Variants in FBXO15 observed in about 807,000 individuals in gnomAD.
FBXO15 encodes F-box only protein 15.
A neutral mutation model predicts 49.5 loss-of-function variants in FBXO15; 30 were observed. The observed-to-expected ratio is 0.61, with a 90% CI of 0.45 to 0.82. The LOEUF (loss-of-function observed/expected upper bound fraction) is 0.82, where lower values mean the gene tolerates loss of function less well. Ranked by LOEUF, FBXO15 falls within the 40% of genes least tolerant of loss-of-function variation. The pLI, the probability that FBXO15 is intolerant of heterozygous loss-of-function variation, is 0.00. For missense variants in FBXO15, 591 were observed against 631.5 expected, an observed-to-expected ratio of 0.94 and a Z score of 0.69; for synonymous variants, 250 against 232.7, an observed-to-expected ratio of 1.07 and a Z score of -0.68.
Position 74,078,775 on chromosome 18 carries a change from C to T in FBXO15, c.1263+3152G>A, listed in dbSNP as rs1442748706. 2.0e-5 allele frequency: 3 copies of T among 152,444 alleles called. No homozygotes were observed. The East Asian group carries it at 5.8e-4, about 29-fold the overall frequency. 9.4% of individuals were successfully genotyped at this position (152,444 alleles called of 1,614,324 possible). A position where few individuals can be genotyped will look rare whatever the true frequency, so the allele number is the denominator to read the frequency against. ...CCTCACCCTCCTTGCAGGAGGAAGT[C>T]TCTCCTCACCTGCGCTCCCATGGAC... On this transcript the variant is annotated intron_variant, in intron 9 of 9. Transcript: ENST00000419743.
chr18:74,092,163 CTGT>C (rs1319012655), intron 8 of FBXO15, among the ~76,000 whole-genome samples: 3 of 151,992 alleles, frequency 2.0e-5, no homozygotes, highest in Admixed American at 1.3e-4. Context: ...TTGGTTGATT[CTGT>C]TGTTAATACT....
intron 8 of FBXO15, among the ~76,000 whole-genome samples, chr18:74,094,773 C>T (rs111919195): frequency 7.7e-4 from 118 of 152,304 alleles, no homozygotes; most frequent in African/African-American, 2.7e-3. Flanking sequence ...TAGCCATGAA[C>T]AAGAAAGTCA....
At chr18:74,079,610 A>G (rs1228302187) in intron 9 of FBXO15, among the ~76,000 whole-genome samples, 1 of 152,222 alleles carries the variant, frequency 6.6e-6, no homozygotes, top group Non-Finnish European at 1.5e-5. Flanking sequence ...AGTTTTTTAA[A>G]AAAAGAATAA....
rs374840564 is a variant in FBXO15, at chr18:74,086,441, T to C, written c.1139-4390A>G. 1.1e-4 allele frequency among the ~76,000 whole-genome samples: 16 copies of C among 152,364 alleles called. No individual in the cohort carries two copies. In the South Asian group the frequency reaches 3.3e-3, roughly 32 times the overall value. Reference sequence around the variant, plus strand: ...CACTGAATAGCGTTTTGTTTTGTTTTGTTTTTAGACGGAGTCTCACTCTGT... The same window carrying C: ...CACTGAATAGCGTTTTGTTTTGTTTCGTTTTTAGACGGAGTCTCACTCTGT... On this transcript the variant is annotated intron_variant, in intron 8 of 9. Transcript: ENST00000419743.
chr18:74,127,090 C>G lies in FBXO15; in HGVS notation c.786-989G>C, dbSNP rs376604031. Among the ~76,000 whole-genome samples, 52 of 152,344 alleles carry G rather than the reference C, an allele frequency of 3.4e-4. 1 individual carries two copies. In the South Asian group the frequency reaches 0.01, roughly 30 times the overall value. ...ACCTACAGTGACTTTGCGACTATCA[C>G]AGGCTGGTTCTTTGTGTATGAAATC... On this transcript the variant is annotated intron_variant, in intron 5 of 9. Transcript: ENST00000419743.
Position 74,082,740 on chromosome 18 carries a change from T to C in FBXO15, c.1139-689A>G, listed in dbSNP as rs571319931. On this transcript the variant is annotated intron_variant, in intron 8 of 9. Coordinates refer to ENST00000419743, the MANE Select transcript of FBXO15 (RefSeq NM_001142958.2). ...CACACAGACACAAGCTTCCTGGTTCTGTCTGAACGCACCCTGAGAAGCGAC... is the reference window on the plus strand; with the variant it reads ...CACACAGACACAAGCTTCCTGGTTCCGTCTGAACGCACCCTGAGAAGCGAC... Among the ~76,000 whole-genome samples the C allele has an allele frequency of 5.3e-5, 8 of 152,314 alleles. No homozygotes were observed. The South Asian group carries it at 8.3e-4, about 16-fold the overall frequency.
At chr18:74,121,820 A>G (rs748896370) in intron 8 of FBXO15, among the ~76,000 whole-genome samples, 5 of 152,230 alleles carry the variant, frequency 3.3e-5, no homozygotes, top group Non-Finnish European at 7.3e-5. Flanking sequence ...ACCACAGGAG[A>G]TGACTAGTGC....
chr18:74,083,601 A>T (rs536849397), intron 8 of FBXO15, among the ~76,000 whole-genome samples: 2 of 152,174 alleles, frequency 1.3e-5, no homozygotes, highest in South Asian at 2.1e-4. Flanking sequence ...GCAGCCAATA[A>T]CGTCTCAGTG....
chr18:74,103,031 A>G (rs939086101), intron 8 of FBXO15, among the ~76,000 whole-genome samples: 1 of 152,114 alleles, frequency 6.6e-6, no homozygotes, highest in Non-Finnish European at 1.5e-5. Flanking sequence ...GGGTGCACCA[A>G]AATTTCACAA....
chr18:74,075,194 C>T lies in FBXO15; in HGVS notation c.1264-1464G>A, dbSNP rs1000541290. ...CAACACCTCATCCCCTCCCTCAGCC[C>T]TCTGCATCCTGCTAGGAGGGTGATC... On this transcript the variant is annotated intron_variant, in intron 9 of 9. Transcript: ENST00000419743. This position sits in a 1 kb window ranked among gnomAD's most constrained non-coding sequence, Gnocchi z 4.1. Among the ~76,000 whole-genome samples the T allele has an allele frequency of 3.9e-5, 6 of 152,210 alleles. No individual in the cohort carries two copies. The highest frequency in any genetic ancestry group is 1.4e-4 in the African/African-American group (6 of 41,454).
chr18:74,111,604 G>T (rs56112851), intron 8 of FBXO15, among the ~76,000 whole-genome samples: 13,291 of 151,938 alleles, frequency 0.087, 816 homozygotes, highest in Admixed American at 0.2. Context: ...AATCAACAAT[G>T]TAAGCTTTCA....
chr18:74,125,118 A>G (rs1478009153), intron 6 of FBXO15, among the ~76,000 whole-genome samples: 1 of 152,216 alleles, frequency 6.6e-6, no homozygotes, highest in Non-Finnish European at 1.5e-5. Context: ...ACTGATGGGC[A>G]TAGGTGACCC....
rs1286871462 is a variant in FBXO15, at chr18:74,124,513, C to T, written c.971G>A (p.Arg324Lys). The change falls in exon 7 of 10, where the codon AGG becomes AAG. Residue 324 changes from arginine to lysine, a missense_variant. Transcript: ENST00000419743. ...CATAGTAGCCGAGCCTAATGTGCTC[C>T]TCTCCACAAGGTGATGAAAATGAAG... ...ANLHFHHLVE[R>K]STLGSATIPY... 2 of 1,614,096 alleles carry T rather than the reference C, an allele frequency of 1.2e-6. No individual in the cohort carries two copies. The highest frequency in any genetic ancestry group is 1.7e-6 in the Non-Finnish European group (2 of 1,180,000).
chr18:74,147,410 G>T, intron 1 of FBXO15: 2 of 926,280 alleles, frequency 2.2e-6, no homozygotes, highest in Non-Finnish European at 2.7e-6. Context: ...TGTCCTGGCA[G>T]GTGCGCGCAT....
intron 8 of FBXO15, among the ~76,000 whole-genome samples, chr18:74,093,034 C>T (rs572300056): frequency 1.6e-3 from 246 of 152,222 alleles, no homozygotes; most frequent in African/African-American, 4.7e-3. Flanking sequence ...GCAGAGCTGG[C>T]AACCTCCATG....
chr18:74,146,483 C>A (rs1002662328), intron 1 of FBXO15, among the ~76,000 whole-genome samples: 1 of 152,220 alleles, frequency 6.6e-6, no homozygotes, highest in Non-Finnish European at 1.5e-5. Context: ...ATATAAAAAT[C>A]ATTCTGCTTC....
chr18:74,137,940 C>T (rs1978821831), intron 2 of FBXO15, among the ~76,000 whole-genome samples: 1 of 152,178 alleles, frequency 6.6e-6, no homozygotes, highest in Non-Finnish European at 1.5e-5. Flanking sequence ...GCTTTCCTCA[C>T]TTTCTTCCCC....
rs9957501 is a variant in FBXO15 at position 74,123,338 on chromosome 18, A to G, written c.1138+30T>C. 2.0e-3 allele frequency: 3,212 copies of G among 1,592,130 alleles called. 69 individuals carry two copies. The African/African-American group carries it at 0.038, about 19-fold the overall frequency. On this transcript the variant is annotated intron_variant, in intron 8 of 9. Transcript: ENST00000419743. ...TTCCCTCACCTCAACCTTTAATTTCATAATGAAATAAAAACTCAATCAATT... is the reference window on the plus strand; with the variant it reads ...TTCCCTCACCTCAACCTTTAATTTCGTAATGAAATAAAAACTCAATCAATT...
chr18:74,146,307 T>C (rs1979406222), intron 1 of FBXO15, among the ~76,000 whole-genome samples: 1 of 152,230 alleles, frequency 6.6e-6, no homozygotes. Context: ...GCTTTGACCA[T>C]AGTCAATCAT....
Sources: gnomAD v4.1 joint callset for allele counts (sites outside exome capture counted in the v4.1 genomes callset) on GRCh38, gnomAD v4.1.1 for gene constraint, Gnocchi (gnomAD v3.1) non-coding constraint, MANE v1.5 for transcripts, NCBI Gene and HGNC (gene_info 2026-07-23, HGNC 2026-07-21) for gene names.